SGCD: variants seen among roughly 807,000 people sequenced by gnomAD.
SGCD encodes the protein sarcoglycan delta, also known as delta-sarcoglycan.
In SGCD, 18 loss-of-function variants were observed where a neutral mutation model predicts 36.6. The observed-to-expected ratio is 0.49, with a 90% CI of 0.34 to 0.73. The LOEUF is 0.73. Among genes scored for constraint, SGCD ranks in the 30% least tolerant of loss-of-function variants. The pLI is 0.01. For synonymous variants in SGCD, 133 were observed against 130.6 expected, an observed-to-expected ratio of 1.02 and a Z score of -0.12; for missense variants, 387 against 346.7, an observed-to-expected ratio of 1.12 and a Z score of -0.92.
chr5:156,308,521 A>G (rs2127688950), intron 3 of SGCD, among the ~76,000 whole-genome samples: 1 of 152,254 alleles, frequency 6.6e-6, no homozygotes, highest in Middle Eastern at 3.4e-3. Context: ...GATGGTCTCG[A>G]TCTCCTGACC....
At chr5:155,855,389 G>A in the SGCD span, among the ~76,000 whole-genome samples, 13 of 152,084 alleles carry the variant, frequency 8.5e-5, no homozygotes, top group Admixed American at 8.5e-4. Context: ...TTTGTTAACT[G>A]CCTTCCGTTT....
At chr5:156,240,710 C>G (rs1352786688) in intron 3 of SGCD, among the ~76,000 whole-genome samples, 1 of 151,936 alleles carries the variant, frequency 6.6e-6, no homozygotes, top group Non-Finnish European at 1.5e-5. Context: ...AAAAAATGGG[C>G]CATATGTTTT....
chr5:156,682,308 A>ATGC (rs1300242297), intron 7 of SGCD, among the ~76,000 whole-genome samples: 3 of 152,260 alleles, frequency 2.0e-5, no homozygotes, highest in African/African-American at 7.2e-5. Flanking sequence ...GAGAAATAAA[A>ATGC]TGCTGTTTTC....
chr5:156,307,906 A>G (rs1289712154), intron 3 of SGCD, among the ~76,000 whole-genome samples: 1 of 151,752 alleles, frequency 6.6e-6, no homozygotes, highest in Non-Finnish European at 1.5e-5. Flanking sequence ...CTATTAAACT[A>G]TATAAAAATG....
At chr5:156,113,246 T>C (rs1172562768) in intron 1 of SGCD, among the ~76,000 whole-genome samples, 2 of 152,200 alleles carry the variant, frequency 1.3e-5, no homozygotes, top group Non-Finnish European at 2.9e-5. Flanking sequence ...TCAAACAATA[T>C]AGTCCCTAAG....
At chr5:155,787,823 A>T in the SGCD span, among the ~76,000 whole-genome samples, 1 of 152,138 alleles carries the variant, frequency 6.6e-6, no homozygotes, top group African/African-American at 2.4e-5. Flanking sequence ...TGCCTTGCTT[A>T]GATTTGCACA....
At chr5:156,350,762 G>T (rs755652217) in intron 3 of SGCD, among the ~76,000 whole-genome samples, 3 of 151,996 alleles carry the variant, frequency 2.0e-5, no homozygotes, top group African/African-American at 7.3e-5. Context: ...TTATACAAAC[G>T]AGCTAATATT....
At chr5:156,043,013 C>A (rs887418677) in intron 1 of SGCD, among the ~76,000 whole-genome samples, 2 of 152,156 alleles carry the variant, frequency 1.3e-5, no homozygotes, top group Admixed American at 1.3e-4. Context: ...TGTCTCTCAA[C>A]ATTAGCTTGG....
chr5:155,745,541 A>G, the SGCD span, among the ~76,000 whole-genome samples: 1 of 152,104 alleles, frequency 6.6e-6, no homozygotes, highest in African/African-American at 2.4e-5. Context: ...TGCCTTTACC[A>G]ATCTTTTATT....
intron 3 of SGCD, among the ~76,000 whole-genome samples, chr5:156,293,175 A>G (rs1266611028): frequency 1.3e-5 from 2 of 152,082 alleles, no homozygotes; most frequent in Non-Finnish European, 2.9e-5. Flanking sequence ...TCAAGGCTCA[A>G]GTGATCCTCC....
intron 4 of SGCD, among the ~76,000 whole-genome samples, chr5:156,528,787 T>G (rs1301079676): frequency 6.6e-6 from 1 of 152,160 alleles, no homozygotes; most frequent in Non-Finnish European, 1.5e-5. Flanking sequence ...TCCTAAGTGT[T>G]GAGCTGTGTG....
intron 1 of SGCD, among the ~76,000 whole-genome samples, chr5:155,904,935 T>C (rs1261021095): frequency 6.6e-6 from 1 of 152,184 alleles, no homozygotes; most frequent in African/African-American, 2.4e-5. Context: ...ACAATCTCCT[T>C]CTGTGAGTCT....
intron 7 of SGCD, among the ~76,000 whole-genome samples, chr5:156,691,762 T>A (rs1754119305): frequency 6.6e-6 from 1 of 152,192 alleles, no homozygotes; most frequent in African/African-American, 2.4e-5. Flanking sequence ...ACCCCTAGAT[T>A]GGAATATTAT....
At chr5:156,157,270 C>T (rs1435345455) in intron 3 of SGCD, among the ~76,000 whole-genome samples, 1 of 151,718 alleles carries the variant, frequency 6.6e-6, no homozygotes, top group Non-Finnish European at 1.5e-5. Context: ...TATATTATCT[C>T]ATTTAGTCTT....
At chr5:155,781,305 C>A in the SGCD span, among the ~76,000 whole-genome samples, 1 of 152,108 alleles carries the variant, frequency 6.6e-6, no homozygotes, top group Non-Finnish European at 1.5e-5. Context: ...TGGGGATTCC[C>A]ATCACACCTC....
At chr5:156,368,436 C>T (rs1770220020) in intron 3 of SGCD, among the ~76,000 whole-genome samples, 1 of 152,206 alleles carries the variant, frequency 6.6e-6, no homozygotes, top group Non-Finnish European at 1.5e-5. Context: ...TATTTTCTAT[C>T]TTATGACATG....
At chr5:156,658,569 A>C in intron 7 of SGCD, among the ~76,000 whole-genome samples, 1 of 74,444 alleles carries the variant, frequency 1.3e-5, no homozygotes, top group East Asian at 4.3e-4. Context: ...ACAGAATCTC[A>C]AGGCAGAAGA....
At chr5:155,964,407 C>T (rs1757859683) in intron 1 of SGCD, among the ~76,000 whole-genome samples, 1 of 152,008 alleles carries the variant, frequency 6.6e-6, no homozygotes, top group African/African-American at 2.4e-5. Flanking sequence ...TGCATGATCT[C>T]AGCTCACTGC....
intron 1 of SGCD, among the ~76,000 whole-genome samples, chr5:156,068,759 T>G (rs1760426502): frequency 1.3e-5 from 2 of 151,776 alleles, no homozygotes; most frequent in African/African-American, 2.4e-5. Context: ...AGTGTTCCTA[T>G]TTCTCCACAT....
Sources: allele counts gnomAD v4.1 joint callset (sites outside exome capture counted in the v4.1 genomes callset), GRCh38; gene constraint gnomAD v4.1.1; transcripts MANE v1.5; gene names NCBI Gene and HGNC (gene_info 2026-07-23, HGNC 2026-07-21).